Variants in SF3B1 observed in about 807,000 individuals in gnomAD.
SF3B1 encodes the protein pre-mRNA processing 10.
In SF3B1, 12 loss-of-function variants were observed where a neutral mutation model predicts 153.8. That is an observed-to-expected ratio of 0.08 (90% CI 0.05 to 0.13). The LOEUF is 0.13. Among genes scored for constraint, SF3B1 ranks in the 10% least tolerant of loss-of-function variants. The probability of loss-of-function intolerance (pLI) is 1.00; values close to 1 mark genes in which losing one functional copy is unlikely to be tolerated. For synonymous variants in SF3B1, 498 were observed against 525.2 expected, an observed-to-expected ratio of 0.95 and a Z score of 0.71; for missense variants, 513 against 1,606.1, an observed-to-expected ratio of 0.32 and a Z score of 11.63.
chr2:197,399,128 A>G (rs1479502809), intron 20 of SF3B1: 50 of 1,248,730 alleles, frequency 4.0e-5, no homozygotes, highest in Non-Finnish European at 4.5e-5. Flanking sequence ...TGCTCTTCCC[A>G]TGCCTCTCTG....
rs1480162799 is a variant in SF3B1 at position 197,393,166 on chromosome 2, C to A, written c.3562G>T (p.Ala1188Ser). Residue 1188 changes from alanine to serine, a missense_variant, in exon 24 of 25, where the codon GCT becomes TCT. By Grantham distance (99) the Ala-to-Ser change is moderately conservative. Around this residue, in one of 21 missense-constraint regions of SF3B1, gnomAD observed 27 missense variants for 126.1 expected, o/e 0.21. Coordinates refer to ENST00000335508, the MANE Select transcript of SF3B1 (RefSeq NM_012433.4). ...MDRDLVHRQT[A>S]SAVVQHMSLG... is the part of the protein sequence containing the mutation. ...GACATGTGCTGTACCACTGCACTAG[C>A]CGTCTGTCTGTGTACAAGGTCTCTA... is the stretch of plus-strand genomic sequence containing the variant. The A allele has an allele frequency of 6.2e-7, 1 of 1,613,636 alleles. No individual in the cohort carries two copies. The highest frequency in any genetic ancestry group is 2.2e-5 in the East Asian group (1 of 44,884).
In SF3B1 at chr2:197,418,438, T is replaced by G. The variant is rs2085189769; in HGVS notation, c.495+71A>C. ...TGCAGCAAATAGCAAAAAAGAAACC[T>G]AACAGTCTCTCAATCACAACTGTAT... On this transcript the variant is annotated intron_variant, in intron 5 of 24. Transcript: ENST00000335508. The G allele has an allele frequency of 5.2e-6, 6 of 1,158,366 alleles. No homozygotes were observed. In the South Asian group the frequency reaches 8.7e-5, roughly 17 times the overall value. 71.8% of individuals were successfully genotyped at this position (1,158,366 alleles called of 1,614,324 possible).
intron 4 of SF3B1, chr2:197,419,809 G>C (rs561103091): frequency 4.4e-6 from 1 of 225,418 alleles, no homozygotes; most frequent in Non-Finnish European, 8.8e-6. Flanking sequence ...TAAGAAACAG[G>C]CACCTAATTT....
chr2:197,405,157 T>A lies in SF3B1; in HGVS notation c.1458A>T (p.Thr486=), dbSNP rs374940926. The stretch of plus-strand genomic sequence containing the variant: ...TCTCTTTTTGCTCTTCTGGACTAAG[T>A]GTTGATTCATCAACATCAACCTATA... ...DKLLVDVDES[T]LSPEEQKERK... is the part of the protein sequence containing the mutation. The change falls in exon 11 of 25, where the codon ACA becomes ACT. Residue 486 remains threonine, a synonymous_variant. Transcript: ENST00000335508. The A allele has an allele frequency of 1.3e-5, 21 of 1,611,172 alleles. No homozygotes were observed. Among genetic ancestry groups the A allele is most frequent in the Non-Finnish European group, 1.7e-5 (20 of 1,178,656 alleles).
rs545335462 is a variant in SF3B1, at chr2:197,399,960, C to A, written c.3013+95G>T. On this transcript the variant is annotated intron_variant, in intron 20 of 24. Coordinates refer to ENST00000335508, the MANE Select transcript of SF3B1 (RefSeq NM_012433.4). ...AGTGCTTTTAAAAAGCTAACAAAAA[C>A]CTCCCAACTCCTAAATAAGATTTTA... is the stretch of plus-strand genomic sequence containing the variant. 7.2e-6 allele frequency: 6 copies of A among 831,912 alleles called. No individual in the cohort carries two copies. The African/African-American group carries it at 8.8e-5, about 12-fold the overall frequency. The allele number at this position is 831,912 out of a possible 1,614,324, so 51.5% of individuals were successfully genotyped here.
In SF3B1 at chr2:197,400,859, T is replaced by C; in HGVS notation, c.2574A>G (p.Lys858=). The C allele has an allele frequency of 6.2e-7, 1 of 1,613,830 alleles. No homozygotes were observed. The highest frequency in any genetic ancestry group is 8.5e-7 in the Non-Finnish European group (1 of 1,179,854). The change falls in exon 18 of 25, where the codon AAA becomes AAG. Residue 858 remains lysine, a synonymous_variant. Coordinates refer to ENST00000335508, the MANE Select transcript of SF3B1 (RefSeq NM_012433.4). This position sits in a 1 kb window ranked among gnomAD's most constrained non-coding sequence, Gnocchi z 5.0. ...TTTTTCTGTACTGTTCGGCTTCATC[T>C]TTCAGATCATCCACAATCCTGGATA... The part of the protein sequence containing the change: ...EIISRIVDDL[K]DEAEQYRKMV...
chr2:197,402,524 A>AC lies in SF3B1; in HGVS notation c.2077+31_2077+32insG. 6.3e-7 allele frequency: 1 copy of AC among 1,594,616 alleles called. No individual in the cohort carries two copies. Among genetic ancestry groups the AC allele is most frequent in the Non-Finnish European group, 8.5e-7 (1 of 1,170,362 alleles). ...GTAAGACCCTGTCTCCTAAAGAAAA[A>AC]AAAAAAAAGACAAAGTTACATTACA... is the stretch of plus-strand genomic sequence containing the variant. On this transcript the variant is annotated intron_variant, in intron 14 of 24. Coordinates refer to ENST00000335508, the MANE Select transcript of SF3B1 (RefSeq NM_012433.4). This position sits in a 1 kb window ranked among gnomAD's most constrained non-coding sequence, Gnocchi z 4.6.
Position 197,392,953 on chromosome 2 carries a change from A to G in SF3B1, c.3756+19T>C, listed in dbSNP as rs764884609. On this transcript the variant is annotated intron_variant, in intron 24 of 24. Coordinates refer to ENST00000335508, the MANE Select transcript of SF3B1 (RefSeq NM_012433.4). ...TAAAAAAAAAAAATCACCGATTAAA[A>G]AAAAAATCTTTAACTTACCTGTAAA... 3 of 1,484,664 alleles carry G rather than the reference A, an allele frequency of 2.0e-6. No individual in the cohort carries two copies. In the South Asian group the frequency reaches 3.6e-5, roughly 18 times the overall value. The allele number at this position is 1,484,664 out of a possible 1,614,324, so 92.0% of individuals were successfully genotyped here. A position where few individuals can be genotyped will look rare whatever the true frequency, so the allele number is the denominator to read the frequency against.
intron 6 of SF3B1, among the ~76,000 whole-genome samples, chr2:197,412,341 A>ATTTATTT (rs1559270719): frequency 1.2e-4 from 17 of 145,792 alleles, no homozygotes; most frequent in African/African-American, 4.3e-4. Flanking sequence ...TCTCTGATTT[A>ATTTATTT]ATTTATTTAT....
intron 2 of SF3B1, among the ~76,000 whole-genome samples, chr2:197,421,339 A>C (rs1158216068): frequency 5.9e-5 from 9 of 152,268 alleles, no homozygotes. Flanking sequence ...CTTTACTTTT[A>C]AAATGATTAA....
chr2:197,399,203 C>A (rs934620817), intron 20 of SF3B1, among the ~76,000 whole-genome samples: 1 of 152,168 alleles, frequency 6.6e-6, no homozygotes, highest in Non-Finnish European at 1.5e-5. Flanking sequence ...TAAATGATTT[C>A]TGGCAAGTAG....
chr2:197,398,927 A>T (rs761261484), intron 20 of SF3B1: 1 of 572,444 alleles, frequency 1.7e-6, no homozygotes, highest in South Asian at 1.5e-5. Flanking sequence ...CCAGAGGTAA[A>T]CATGTAAATA....
chr2:197,411,621 G>A (rs1274412763), intron 6 of SF3B1, among the ~76,000 whole-genome samples: 1 of 151,336 alleles, frequency 6.6e-6, no homozygotes, highest in African/African-American at 2.4e-5. Context: ...GCAGTGAGCC[G>A]AGATAGCACC....
Position 197,433,560 on chromosome 2 carries a change from A to T in SF3B1, c.28+1412T>A, listed in dbSNP as rs556764349. On this transcript the variant is annotated intron_variant, in intron 1 of 24. Transcript: ENST00000335508. Reference sequence around the variant, plus strand: ...AGACAAAATAATAAAGCCTAGGAATACTAAGAGAGCATTTAAATCCTAAAT... The same window carrying T: ...AGACAAAATAATAAAGCCTAGGAATTCTAAGAGAGCATTTAAATCCTAAAT... Among the ~76,000 whole-genome samples, 3 of 152,364 alleles carry T rather than the reference A, an allele frequency of 2.0e-5. No homozygotes were observed. In the South Asian group the frequency reaches 6.2e-4, roughly 32 times the overall value.
Position 197,423,789 on chromosome 2 carries a change from T to C in SF3B1, c.195+19A>G, listed in dbSNP as rs2085287018. ...CTCTCAAAAAAATAACTGCCTCTTG[T>C]ACATAATTTGTAACTTACATCTTCA... On this transcript the variant is annotated intron_variant, in intron 2 of 24. Transcript: ENST00000335508. The C allele has an allele frequency of 6.2e-7, 1 of 1,611,232 alleles. No homozygotes were observed. The highest frequency in any genetic ancestry group is 1.7e-5 in the Admixed American group (1 of 59,426).
At chr2:197,424,584 A>G (rs942948538) in intron 1 of SF3B1, among the ~76,000 whole-genome samples, 4 of 151,906 alleles carry the variant, frequency 2.6e-5, no homozygotes, top group African/African-American at 4.8e-5. Flanking sequence ...AACAGCTTCT[A>G]TAGATTCTTT....
intron 23 of SF3B1, among the ~76,000 whole-genome samples, chr2:197,395,642 C>A (rs1361837038): frequency 6.6e-6 from 1 of 152,092 alleles, no homozygotes; most frequent in African/African-American, 2.4e-5. Context: ...TTCTGGCAGG[C>A]TATTGTTCAG....
Position 197,409,825 on chromosome 2 carries a change from G to A in SF3B1, c.849C>T (p.Gly283=), listed in dbSNP as rs747909166. 8.7e-6 allele frequency: 14 copies of A among 1,613,864 alleles called. No individual in the cohort carries two copies. The highest frequency in any genetic ancestry group is 2.2e-5 in the South Asian group (2 of 91,084). The change falls in exon 7 of 25, where the codon GGC becomes GGT. Residue 283 remains glycine, a synonymous_variant. Transcript: ENST00000335508. The part of the protein sequence containing the change: ...TPGHATPGHG[G]ATSSARKNRW... ...TGTTTTTACGAGCACTGGAAGTTGC[G>A]CCTCCATGGCCTGGTGTCGCATGGC...
chr2:197,427,256 T>C (rs748359394), intron 1 of SF3B1, among the ~76,000 whole-genome samples: 1 of 152,246 alleles, frequency 6.6e-6, no homozygotes, highest in South Asian at 2.1e-4. Flanking sequence ...GGTGAGTATA[T>C]TACTGAACTT....
Sources: gnomAD v4.1 joint callset for allele counts (sites outside exome capture counted in the v4.1 genomes callset) on GRCh38, gnomAD v4.1.1 for gene constraint, gnomAD v4.1.1 regional missense constraint, Gnocchi (gnomAD v3.1) non-coding constraint, MANE v1.5 for transcripts, NCBI Gene and HGNC (gene_info 2026-07-23, HGNC 2026-07-21) for gene names.